The following PCLO variants were observed in gnomAD, a reference collection of about 807,000 sequenced individuals.
PCLO encodes protein piccolo.
A neutral mutation model predicts 427.5 loss-of-function variants in PCLO; 82 were observed. The ratio of observed to expected loss-of-function variants is 0.19; its 90% confidence interval spans 0.16 to 0.23. The LOEUF (loss-of-function observed/expected upper bound fraction) is 0.23, where lower values mean the gene tolerates loss of function less well. Among genes scored for constraint, PCLO ranks in the 10% least tolerant of loss-of-function variants. The pLI is 1.00. For synonymous variants in PCLO, 2,357 were observed against 2,155.4 expected (o/e 1.09, Z -2.59); for missense variants, 6,239 against 6,115.9 (o/e 1.02, Z -0.67).
chr7:82,794,450 A>AT (rs141105612), intron 22 of PCLO, among the ~76,000 whole-genome samples: 14,019 of 60,660 alleles, frequency 0.23, 2,560 homozygotes, highest in East Asian at 0.46. Context: ...TAGTTCATAA[A>AT]TTTTTTTTCT....
At chr7:82,839,356 TTA>T (rs925675505) in intron 14 of PCLO, among the ~76,000 whole-genome samples, 2 of 152,108 alleles carry the variant, frequency 1.3e-5, no homozygotes, top group Non-Finnish European at 2.9e-5. Flanking sequence ...TTTGATCTTA[TTA>T]TGTTTCCTGT....
chr7:82,872,535 A>G lies in PCLO; in HGVS notation c.13654+6802T>C, dbSNP rs1000484882. 4.7e-5 allele frequency among the ~76,000 whole-genome samples: 7 copies of G among 150,442 alleles called. No homozygotes were observed. The South Asian group carries it at 6.3e-4, about 14-fold the overall frequency. On this transcript the variant is annotated intron_variant, in intron 10 of 24. Transcript: ENST00000333891. The stretch of plus-strand genomic sequence containing the variant: ...TGAAACACTTGGGAGAGAAATTTGG[A>G]AAAAAAAACAAACTAGTTGAAGAAG...
At chr7:82,854,374 T>C (rs1370886081) in intron 10 of PCLO, among the ~76,000 whole-genome samples, 1 of 152,146 alleles carries the variant, frequency 6.6e-6, no homozygotes, top group East Asian at 1.9e-4. Flanking sequence ...TTGATTTAAA[T>C]GCAAAATACC....
At chr7:83,094,639 A>G (rs1790486217) in intron 3 of PCLO, among the ~76,000 whole-genome samples, 1 of 152,182 alleles carries the variant, frequency 6.6e-6, no homozygotes, top group African/African-American at 2.4e-5. Context: ...TATCCACTTA[A>G]GGACATCTGG....
In PCLO at chr7:82,953,626, A is replaced by G; in HGVS notation, c.7327T>C (p.Leu2443=). 11 of 1,589,626 alleles carry G rather than the reference A, an allele frequency of 6.9e-6. No individual in the cohort carries two copies. The highest frequency in any genetic ancestry group is 9.4e-6 in the Non-Finnish European group (11 of 1,166,920). ...PKPTILPKKK[L]TVASPVTTAT... ...GTAGTCACTGGAGATGCAACTGTTA[A>G]CTTTTTTTTAGGAAGAATAGTTGGT... Residue 2443 remains leucine, a synonymous_variant, in exon 5 of 25, where the codon TTA becomes CTA. Coordinates refer to ENST00000333891, the MANE Select transcript of PCLO (RefSeq NM_033026.6).
intron 8 of PCLO, among the ~76,000 whole-genome samples, chr7:82,908,351 G>A (rs898188695): frequency 2.0e-5 from 3 of 150,246 alleles, no homozygotes; most frequent in Non-Finnish European, 2.9e-5. Context: ...TCTACTTTAT[G>A]TGAGTTGTTC....
chr7:83,096,607 G>A (rs981476975), intron 3 of PCLO, among the ~76,000 whole-genome samples: 1 of 149,930 alleles, frequency 6.7e-6, no homozygotes, highest in Non-Finnish European at 1.5e-5. Flanking sequence ...CATTTAGGTG[G>A]GATTGCCATC....
At chr7:83,141,879 A>G (rs752035669) in intron 2 of PCLO, among the ~76,000 whole-genome samples, 2 of 152,256 alleles carry the variant, frequency 1.3e-5, no homozygotes, top group Non-Finnish European at 2.9e-5. Flanking sequence ...CTGATTTTTA[A>G]GAGTGTATCT....
At chr7:83,005,627 A>G (rs1237580119) in intron 3 of PCLO, among the ~76,000 whole-genome samples, 3 of 151,668 alleles carry the variant, frequency 2.0e-5, no homozygotes, top group Non-Finnish European at 4.4e-5. Context: ...AAGTAACTAT[A>G]TGAAGTGATG....
At position 83,096,930 on chromosome 7, in the gene PCLO, T is replaced by TATTATATATTATATATTATATA. The variant is rs1790574765; in HGVS notation, c.3300+37319_3300+37320insTATATAATATATAATATATAAT. On this transcript the variant is annotated intron_variant, in intron 3 of 24. Transcript: ENST00000333891. ...TATTATCTAAATATATATAATATAA[T>TATTATATATTATATATTATATA]ATAATATATTATATATTATATAAAT... 3.3e-5 allele frequency among the ~76,000 whole-genome samples: 2 copies of TATTATATATTATATATTATATA among 60,316 alleles called. 1 individual carries two copies. The highest frequency in any genetic ancestry group is 2.1e-4 in the African/African-American group (2 of 9,670). The allele number at this position is 60,316 out of a possible 152,430, so 39.6% of individuals were successfully genotyped here. A position where few individuals can be genotyped will look rare whatever the true frequency, so the allele number is the denominator to read the frequency against.
chr7:83,076,868 C>G (rs73707471), intron 3 of PCLO, among the ~76,000 whole-genome samples: 1,676 of 151,866 alleles, frequency 0.011, 40 homozygotes, highest in African/African-American at 0.039. Flanking sequence ...TCTATTTATT[C>G]TAGATATAAT....
chr7:82,994,383 A>G (rs886701282), intron 3 of PCLO, among the ~76,000 whole-genome samples: 1 of 151,864 alleles, frequency 6.6e-6, no homozygotes, highest in African/African-American at 2.4e-5. Flanking sequence ...CAGGAAAGGA[A>G]AGTCTTCCAA....
chr7:82,824,769 C>T (rs1217541705), intron 18 of PCLO, among the ~76,000 whole-genome samples: 1 of 151,270 alleles, frequency 6.6e-6, no homozygotes, highest in African/African-American at 2.4e-5. Context: ...CGGTGAAATC[C>T]CGTCTCTGCT....
At chr7:83,105,022 T>C (rs1170975253) in intron 3 of PCLO, among the ~76,000 whole-genome samples, 2 of 152,196 alleles carry the variant, frequency 1.3e-5, no homozygotes, top group African/African-American at 4.8e-5. Context: ...ACAAATCTTA[T>C]CAGTGGAAAA....
At chr7:83,006,458 G>A (rs560255294) in intron 3 of PCLO, among the ~76,000 whole-genome samples, 25 of 151,596 alleles carry the variant, frequency 1.6e-4, no homozygotes, top group African/African-American at 6.0e-4. Context: ...AGATGGCAAA[G>A]TAGTATAGGA....
At chr7:83,158,932 T>C (rs1363427822) in intron 1 of PCLO, among the ~76,000 whole-genome samples, 1 of 152,040 alleles carries the variant, frequency 6.6e-6, no homozygotes, top group African/African-American at 2.4e-5. Context: ...AAGGTGCTGC[T>C]GTCTTTTGGT....
intron 3 of PCLO, among the ~76,000 whole-genome samples, chr7:83,109,228 C>T (rs1790941953): frequency 6.6e-6 from 1 of 152,130 alleles, no homozygotes; most frequent in Non-Finnish European, 1.5e-5. Context: ...ATTTGACTTT[C>T]CATGTGTACT....
At chr7:82,883,834 G>A (rs948179966) in intron 9 of PCLO, among the ~76,000 whole-genome samples, 11 of 152,038 alleles carry the variant, frequency 7.2e-5, no homozygotes, top group African/African-American at 2.4e-4. Flanking sequence ...GCAGTGGTGC[G>A]ATCTTGGCCC....
chr7:82,950,426 G>T lies in PCLO; in HGVS notation c.10162C>A (p.Pro3388Thr). The T allele has an allele frequency of 6.2e-7, 1 of 1,613,704 alleles. No individual in the cohort carries two copies. The highest frequency in any genetic ancestry group is 1.1e-5 in the South Asian group (1 of 91,062). ...SDGVTQYIAP[P>T]GILSTVSEIP... ...TCTGAAACAGTGCTCAGGATACCAGGTGGGGCAATGTACTGAGTAACACCA... is the reference window on the plus strand; with the variant it reads ...TCTGAAACAGTGCTCAGGATACCAGTTGGGGCAATGTACTGAGTAACACCA... Residue 3388 changes from proline to threonine, a missense_variant, in exon 6 of 25, where the codon CCT becomes ACT. Transcript: ENST00000333891.
Sources: allele counts gnomAD v4.1 joint callset (sites outside exome capture counted in the v4.1 genomes callset), GRCh38; gene constraint gnomAD v4.1.1; transcripts MANE v1.5; gene names NCBI Gene and HGNC (gene_info 2026-07-23, HGNC 2026-07-21).